JADE3: variants seen among roughly 807,000 people sequenced by gnomAD.
JADE3 encodes jade family PHD finger 3, also known as protein Jade-3.
In JADE3, 2 loss-of-function variants were observed where a neutral mutation model predicts 50.1. The observed-to-expected ratio is 0.04, with a 90% CI of 0.02 to 0.13. The LOEUF (loss-of-function observed/expected upper bound fraction) is 0.13. Ranked by LOEUF, JADE3 falls within the 10% of genes least tolerant of loss-of-function variation. JADE3 has a pLI of 1.00. For synonymous variants in JADE3, 218 were observed against 232.9 expected, an observed-to-expected ratio of 0.94 and a Z score of 0.58; for missense variants, 475 against 634.4, an observed-to-expected ratio of 0.75 and a Z score of 2.70.
chrX:46,922,376 T>TAA (rs1267157759), intron 1 of JADE3, among the ~76,000 whole-genome samples: 2 of 111,615 alleles, frequency 1.8e-5, no homozygotes, highest in Non-Finnish European at 3.8e-5. Context: ...AACTTTATTA[T>TAA]ATCTGTGGTT....
chrX:47,054,181 T>A lies in JADE3; in HGVS notation c.996T>A (p.Thr332=). 2.5e-6 allele frequency: 3 copies of A among 1,207,452 alleles called. No individual in the cohort carries two copies. ...AGTGCTCTATAAAAAGCTGCATCAC[T>A]GCCTTCCACGTCACCTGTGCCTTTG... The part of the protein sequence containing the change: ...CIQCSIKSCI[T]AFHVTCAFEH... The change falls in exon 9 of 11, where the codon ACT becomes ACA. Residue 332 remains threonine (T), a synonymous_variant. Coordinates refer to ENST00000614628, the MANE Select transcript of JADE3 (RefSeq NM_014735.5).
chrX:46,953,569 A>T (rs1556345789), intron 1 of JADE3, among the ~76,000 whole-genome samples: 1 of 111,622 alleles, frequency 9.0e-6, no homozygotes, highest in Non-Finnish European at 1.9e-5. Context: ...TGATATTTTA[A>T]TGGATGTTTT....
intron 1 of JADE3, among the ~76,000 whole-genome samples, chrX:46,975,758 C>T (rs1276727141): frequency 5.5e-5 from 4 of 72,342 alleles, no homozygotes; most frequent in African/African-American, 2.4e-4. Context: ...CTCGCTCTGT[C>T]ACCCAGGCTG....
At position 47,024,934 on chromosome X, in the gene JADE3, G is replaced by A; in HGVS notation, c.475+20G>A. On this transcript the variant is annotated intron_variant, in intron 5 of 10. Transcript: ENST00000614628. ...AAATGGGTAAGTTCTTTTCTCACAA[G>A]TAAGTTGTGACTTAATTCATGTTTT... 1.1e-5 allele frequency: 11 copies of A among 987,200 alleles called. No homozygotes were observed. The highest frequency in any genetic ancestry group is 1.5e-5 in the Non-Finnish European group (11 of 711,922). The allele number at this position is 987,200 out of a possible 1,213,427, so 81.4% of individuals were successfully genotyped here. A position where few individuals can be genotyped will look rare whatever the true frequency, so the allele number is the denominator to read the frequency against.
chrX:46,954,852 G>A (rs782761892), intron 1 of JADE3, among the ~76,000 whole-genome samples: 1 of 112,602 alleles, frequency 8.9e-6, no homozygotes, highest in African/African-American at 3.2e-5. Context: ...ACCGCACCCA[G>A]CCAGAAATAT....
intron 1 of JADE3, among the ~76,000 whole-genome samples, chrX:46,947,001 CCTTTTCTTTTCTCTTCTTTT>C (rs1349324817): frequency 4.5e-5 from 5 of 110,937 alleles, no homozygotes; most frequent in African/African-American, 1.6e-4. Context: ...TGCTTTTGGT[CCTTTTCTTTTCTCTTCTTTT>C]CTTTTCTTTT....
chrX:46,994,046 A>T lies in JADE3; in HGVS notation c.127-4074A>T, dbSNP rs1298381549. On this transcript the variant is annotated intron_variant, in intron 3 of 10. Coordinates refer to ENST00000614628, the MANE Select transcript of JADE3 (RefSeq NM_014735.5). The stretch of plus-strand genomic sequence containing the variant: ...TGTTCAATCTCTCTGCTTTATTCAC[A>T]CGGACCAGACAGTGTTACTCTTTGT... Among the ~76,000 whole-genome samples the T allele has an allele frequency of 2.7e-5, 3 of 112,060 alleles. No individual in the cohort carries two copies. The East Asian group carries it at 8.3e-4, about 31-fold the overall frequency.
At chrX:47,048,961 G>A (rs2146987663) in intron 8 of JADE3, among the ~76,000 whole-genome samples, 1 of 111,546 alleles carries the variant, frequency 9.0e-6, no homozygotes, top group African/African-American at 3.3e-5. Flanking sequence ...CTATTTGCTT[G>A]CCACAATGAG....
At chrX:46,962,265 A>C (rs1927279040) in intron 1 of JADE3, among the ~76,000 whole-genome samples, 1 of 112,168 alleles carries the variant, frequency 8.9e-6, no homozygotes, top group East Asian at 2.8e-4. Context: ...ATCTGGTTGC[A>C]ACTCTGGGGC....
At chrX:46,979,873 A>AT (rs56397998) in intron 1 of JADE3, among the ~76,000 whole-genome samples, 3,283 of 63,112 alleles carry the variant, frequency 0.052, 400 homozygotes, top group Non-Finnish European at 0.062. Flanking sequence ...ATGTCTGCTG[A>AT]TTTTTTTTTT....
chrX:47,045,021 A>G (rs926769166), intron 8 of JADE3, among the ~76,000 whole-genome samples: 2 of 111,984 alleles, frequency 1.8e-5, no homozygotes, highest in South Asian at 3.7e-4. Context: ...AAAAGAAGGA[A>G]GGAAGAAAAG....
chrX:46,925,674 A>G (rs782248973), intron 1 of JADE3, among the ~76,000 whole-genome samples: 2 of 110,014 alleles, frequency 1.8e-5, no homozygotes, highest in South Asian at 4.0e-4. Flanking sequence ...ACAAAAAGAA[A>G]TTAGCTGGGC....
intron 1 of JADE3, among the ~76,000 whole-genome samples, chrX:46,946,409 G>C (rs782054525): frequency 3.6e-5 from 4 of 111,859 alleles, no homozygotes; most frequent in Admixed American, 9.5e-5. Context: ...GCATAATGTA[G>C]TGGAAAGATG....
chrX:47,029,815 G>A (rs1401563627), intron 6 of JADE3, among the ~76,000 whole-genome samples: 1 of 111,543 alleles, frequency 9.0e-6, no homozygotes, highest in Non-Finnish European at 1.9e-5. Context: ...ATGAACTTAA[G>A]TATTATATCT....
chrX:46,941,288 G>A (rs1926750591), intron 1 of JADE3, among the ~76,000 whole-genome samples: 1 of 111,792 alleles, frequency 8.9e-6, no homozygotes, highest in South Asian at 3.7e-4. Flanking sequence ...TGGTATATAA[G>A]TACCATATTT....
intron 1 of JADE3, among the ~76,000 whole-genome samples, chrX:46,973,626 A>G (rs1927546262): frequency 8.9e-6 from 1 of 112,459 alleles, no homozygotes; most frequent in Admixed American, 9.5e-5. Flanking sequence ...TTTTGTTTCC[A>G]TGACATTGAA....
chrX:46,960,384 A>T (rs1927234171), intron 1 of JADE3, among the ~76,000 whole-genome samples: 1 of 112,028 alleles, frequency 8.9e-6, no homozygotes, highest in South Asian at 3.7e-4. Context: ...ATTGTGCCGG[A>T]ATTGTTTATA....
In JADE3 at chrX:47,056,121, C is replaced by T. The variant is rs1929627640; in HGVS notation, c.1483C>T (p.Leu495=). 5.0e-6 allele frequency: 6 copies of T among 1,208,106 alleles called. No homozygotes were observed. The East Asian group carries it at 1.8e-4, about 36-fold the overall frequency. ...LCYMISRREK[L]KLSHNKIQEQ... is the part of the protein sequence containing the mutation. Reference sequence around the variant, plus strand: ...CTATATGATAAGCAGACGAGAGAAGCTGAAGCTGTCACACAACAAAATACA... The same window carrying T: ...CTATATGATAAGCAGACGAGAGAAGTTGAAGCTGTCACACAACAAAATACA... Residue 495 remains leucine, a synonymous_variant, in exon 10 of 11, where the codon CTG becomes TTG. Coordinates refer to ENST00000614628, the MANE Select transcript of JADE3 (RefSeq NM_014735.5).
At chrX:46,927,435 G>A (rs1926394212) in intron 1 of JADE3, among the ~76,000 whole-genome samples, 1 of 111,961 alleles carries the variant, frequency 8.9e-6, no homozygotes, top group African/African-American at 3.2e-5. Context: ...GTCCTCAGTG[G>A]TGAAAAGGTT....
Sources: allele counts gnomAD v4.1 joint callset (sites outside exome capture counted in the v4.1 genomes callset), GRCh38; gene constraint gnomAD v4.1.1; transcripts MANE v1.5; gene names NCBI Gene and HGNC (gene_info 2026-07-23, HGNC 2026-07-21).